Variants in DNAAF5 observed in about 807,000 individuals in gnomAD.
DNAAF5 encodes dynein axonemal assembly factor 5.
In DNAAF5, 64 loss-of-function variants were observed where a neutral mutation model predicts 75.8. The ratio of observed to expected loss-of-function variants is 0.84; its 90% CI spans 0.69 to 1.04. The LOEUF is 1.04. Among genes scored for constraint, DNAAF5 ranks in the 50% least tolerant of loss-of-function variants. The pLI is 0.00. For synonymous variants in DNAAF5, 657 were observed against 557.2 expected, an observed-to-expected ratio of 1.18 and a Z score of -2.52; for missense variants, 1,269 against 1,178.5, an observed-to-expected ratio of 1.08 and a Z score of -1.12.
intron 2 of DNAAF5, among the ~76,000 whole-genome samples, chr7:736,442 C>G (rs145479749): frequency 3.9e-5 from 6 of 152,140 alleles, no homozygotes; most frequent in Non-Finnish European, 8.8e-5. Context: ...TGAGTTGACC[C>G]CTTTATCATT....
chr7:776,606 C>T (rs900103283), intron 11 of DNAAF5, among the ~76,000 whole-genome samples: 33 of 152,184 alleles, frequency 2.2e-4, no homozygotes, highest in African/African-American at 6.0e-4. Flanking sequence ...GCCTCAGTGT[C>T]GCCGCCTCCT....
At chr7:763,175 C>G (rs561440639) in intron 7 of DNAAF5, among the ~76,000 whole-genome samples, 1 of 152,184 alleles carries the variant, frequency 6.6e-6, no homozygotes, top group Non-Finnish European at 1.5e-5. Context: ...GGGCGTGTGT[C>G]TCAGCAGATG....
intron 2 of DNAAF5, among the ~76,000 whole-genome samples, chr7:734,883 AGTGTAGCTGCTCACG>A (rs1781686951): frequency 6.6e-6 from 1 of 152,170 alleles, no homozygotes; most frequent in African/African-American, 2.4e-5. Context: ...AGTTGCTCAC[AGTGTAGCTGCTCACG>A]GTGTTGCTCA....
At chr7:764,039 A>G (rs1363822172) in intron 8 of DNAAF5, 65 bp downstream of exon 8, 7 of 1,562,176 alleles carry the variant, frequency 4.5e-6, no homozygotes, top group East Asian at 4.5e-5. Context: ...CTGCTCCCCC[A>G]GGTGCTCAGC....
At chr7:769,773 G>A (rs1379565991) in intron 8 of DNAAF5, among the ~76,000 whole-genome samples, 1 of 151,900 alleles carries the variant, frequency 6.6e-6, no homozygotes, top group Admixed American at 6.6e-5. Context: ...TCAAGCAGCT[G>A]GGATTACAGG....
chr7:768,100 G>T (rs1435680715), intron 8 of DNAAF5, among the ~76,000 whole-genome samples: 2 of 149,930 alleles, frequency 1.3e-5, no homozygotes, highest in African/African-American at 4.9e-5. Context: ...GCTCGCGCTG[G>T]GAGCGGAGAC....
intron 11 of DNAAF5, among the ~76,000 whole-genome samples, chr7:776,434 C>T (rs561550150): frequency 3.9e-5 from 6 of 152,330 alleles, no homozygotes; most frequent in African/African-American, 9.6e-5. Flanking sequence ...ACAAATTAAA[C>T]GGCACAGCAA....
At chr7:738,487 G>A (rs1004664910) in intron 2 of DNAAF5, among the ~76,000 whole-genome samples, 2 of 151,924 alleles carry the variant, frequency 1.3e-5, no homozygotes, top group Non-Finnish European at 2.9e-5. Context: ...GCTGTTGGTC[G>A]ATCTTGCTAG....
intron 6 of DNAAF5, among the ~76,000 whole-genome samples, chr7:757,839 G>C (rs77434383): frequency 2.0e-5 from 3 of 152,220 alleles, no homozygotes; most frequent in Non-Finnish European, 4.4e-5. Context: ...CACTTGCTCC[G>C]GCTCGATCGT....
chr7:726,966 G>A lies in DNAAF5; in HGVS notation c.246G>A (p.Leu82=), dbSNP rs1781327133. 1 of 1,316,576 alleles carries A rather than the reference G, an allele frequency of 7.6e-7. No individual in the cohort carries two copies. The allele number at this position is 1,316,576 out of a possible 1,614,324, so 81.6% of individuals were successfully genotyped here. A position where few individuals can be genotyped will look rare whatever the true frequency, so the allele number is the denominator to read the frequency against. The change falls in exon 1 of 13, where the codon CTG becomes CTA. Residue 82 remains leucine, a synonymous_variant. Transcript: ENST00000297440. Reference sequence around the variant, plus strand: ...CGCGCCTACTGCTGCCGCGCTTGCTGCGCTGCCTGAGCGACCCCGCCGAGG... The same window carrying A: ...CGCGCCTACTGCTGCCGCGCTTGCTACGCTGCCTGAGCGACCCCGCCGAGG... ...PWARLLLPRL[L]RCLSDPAEGC...
rs143933248 is a variant in DNAAF5 at position 739,871 on chromosome 7, C to T, written c.781-948C>T. Among the ~76,000 whole-genome samples, 425 of 152,268 alleles carry T rather than the reference C, an allele frequency of 2.8e-3. 4 individuals carry two copies. The highest frequency in any genetic ancestry group is 9.4e-3 in the African/African-American group (392 of 41,558). ...TCCGAGTCCCAGCGAGTGACCACGC[C>T]ATGGGCACAGCTGCTGCTCGGGTCC... On this transcript the variant is annotated intron_variant, in intron 2 of 12. Coordinates refer to ENST00000297440, the MANE Select transcript of DNAAF5 (RefSeq NM_017802.4).
chr7:743,907 TA>T (rs1410185884), intron 4 of DNAAF5, among the ~76,000 whole-genome samples: 3 of 150,226 alleles, frequency 2.0e-5, no homozygotes, highest in African/African-American at 7.3e-5. Flanking sequence ...GTTCTTTTTT[TA>T]TTTTTTTATT....
chr7:770,746 G>A, intron 9 of DNAAF5, 128 bp downstream of exon 9: 1 of 878,016 alleles, frequency 1.1e-6, no homozygotes, highest in Non-Finnish European at 1.7e-6. Flanking sequence ...ACTGCGCAAG[G>A]GGTTCCCCAT....
intron 4 of DNAAF5, chr7:750,803 A>G (rs567818718): frequency 2.9e-4 from 48 of 166,912 alleles, no homozygotes; most frequent in Middle Eastern, 3.4e-3. Context: ...AGCTCTGTTC[A>G]GCTGTCAGCA....
chr7:726,948 A>T lies in DNAAF5; in HGVS notation c.228A>T (p.Leu76=). ...CTTTCCAGGGCCCCTGGGCGCGCCT[A>T]CTGCTGCCGCGCTTGCTGCGCTGCC... ...PTAFQGPWAR[L]LLPRLLRCLS... The change falls in exon 1 of 13, where the codon CTA becomes CTT. Residue 76 remains leucine, a synonymous_variant. Coordinates refer to ENST00000297440, the MANE Select transcript of DNAAF5 (RefSeq NM_017802.4). The T allele has an allele frequency of 1.5e-6, 2 of 1,331,644 alleles. No individual in the cohort carries two copies. The highest frequency in any genetic ancestry group is 3.4e-5 in the East Asian group (1 of 29,446). 82.5% of individuals were successfully genotyped at this position (1,331,644 alleles called of 1,614,324 possible). A position where few individuals can be genotyped will look rare whatever the true frequency, so the allele number is the denominator to read the frequency against.
rs190274197 is a variant in DNAAF5, at chr7:733,329, T to C, written c.780+3482T>C. Among the ~76,000 whole-genome samples the C allele has an allele frequency of 1.2e-3, 179 of 152,330 alleles. 1 individual carries two copies. The highest frequency in any genetic ancestry group is 8.1e-3 in the South Asian group (39 of 4,822). ...AATTTAGGATTATTTTTTCTATTTC[T>C]GTGAAGAATGTCATTGGTATTTTGA... On this transcript the variant is annotated intron_variant, in intron 2 of 12. Transcript: ENST00000297440.
chr7:750,810 A>C (rs1015494076), intron 4 of DNAAF5: 7 of 166,952 alleles, frequency 4.2e-5, no homozygotes, highest in Non-Finnish European at 8.8e-5. Context: ...TTCAGCTGTC[A>C]GCAGACCCCT....
intron 2 of DNAAF5, among the ~76,000 whole-genome samples, chr7:736,236 A>G (rs915966537): frequency 2.6e-5 from 4 of 152,182 alleles, no homozygotes; most frequent in Admixed American, 1.3e-4. Context: ...GATCTATAGT[A>G]CAGATTAAGT....
Position 727,109 on chromosome 7 carries a change from C to G in DNAAF5, c.389C>G (p.Pro130Arg). The change falls in exon 1 of 13, where the codon CCC becomes CGC. Residue 130 changes from proline (P) to arginine (R), a missense_variant. By Grantham distance (103) the Pro-to-Arg change is moderately radical. Transcript: ENST00000297440. ...GCCGCGCGCTTGGCCGGCCCCGTGC[C>G]CGCGCGCCGCCCGCCCGAGGCCTGT... ...ALAARLAGPVPARRPPEACEE... is the reference protein window; with the variant it reads ...ALAARLAGPVRARRPPEACEE... The G allele has an allele frequency of 9.0e-7, 1 of 1,105,526 alleles. No individual in the cohort carries two copies. The highest frequency in any genetic ancestry group is 4.1e-5 in the South Asian group (1 of 24,368). The allele number at this position is 1,105,526 out of a possible 1,614,324, so 68.5% of individuals were successfully genotyped here.
Sources: allele counts gnomAD v4.1 joint callset (sites outside exome capture counted in the v4.1 genomes callset), GRCh38; gene constraint gnomAD v4.1.1; transcripts MANE v1.5; gene names NCBI Gene and HGNC (gene_info 2026-07-23, HGNC 2026-07-21).